DYRK1A: variants seen among roughly 807,000 people sequenced by gnomAD.
DYRK1A encodes the protein dual specificity tyrosine-phosphorylation-regulated kinase 1A.
DYRK1A carries 9 observed loss-of-function variants against 79.7 expected under a neutral mutation model. The observed-to-expected ratio is 0.11, with a 90% confidence interval of 0.07 to 0.20. DYRK1A has a LOEUF of 0.20. DYRK1A is among the 10% of genes least tolerant of loss of function. The probability of loss-of-function intolerance (pLI) is 1.00; values close to 1 mark genes in which losing one functional copy is unlikely to be tolerated. For synonymous variants in DYRK1A, 349 were observed against 329.7 expected (o/e 1.06, Z -0.63); for missense variants, 622 against 956.0 (o/e 0.65, Z 4.61).
rs989998718 is a variant in DYRK1A, at chr21:37,403,582, C to T, written c.-76-16717C>T. ...CTGGGCTCAAGTGGTCCTCCCACTT[C>T]AGCCTCCTGAATAACTGGGACTACA... On this transcript the variant is annotated intron_variant, in intron 1 of 11. Transcript: ENST00000647188. Among the ~76,000 whole-genome samples the T allele has an allele frequency of 7.3e-5, 11 of 151,478 alleles. No homozygotes were observed. The South Asian group carries it at 1.0e-3, about 14-fold the overall frequency.
Position 37,513,503 on chromosome 21 carries a change from T to C in DYRK1A, c.*972T>C, listed in dbSNP as rs982156179. The C allele has an allele frequency of 3.3e-5, 5 of 152,640 alleles. No homozygotes were observed. The highest frequency in any genetic ancestry group is 2.1e-4 in the South Asian group (1 of 4,830). 9.5% of individuals were successfully genotyped at this position (152,640 alleles called of 1,614,324 possible). ...AGAGGCCTTTCTTTTAAAATAGACTTTTGTGACCCACTAATTGTAAGGTAT... is the reference window on the plus strand; with the variant it reads ...AGAGGCCTTTCTTTTAAAATAGACTCTTGTGACCCACTAATTGTAAGGTAT... On this transcript the variant is annotated 3_prime_UTR_variant, in exon 12 of 12. Transcript: ENST00000647188.
chr21:37,381,748 A>T lies in DYRK1A; in HGVS notation c.-77+14120A>T, dbSNP rs1308825024. On this transcript the variant is annotated intron_variant, in intron 1 of 11. Coordinates refer to ENST00000647188, the MANE Select transcript of DYRK1A (RefSeq NM_001347721.2). ...GGGTGCAGTGAGCTGTGTTTGTGCC[A>T]GTGTACTCCAGCCTGAGTGAGTACA... Among the ~76,000 whole-genome samples, 4 of 152,208 alleles carry T rather than the reference A, an allele frequency of 2.6e-5. No homozygotes were observed. The East Asian group carries it at 7.7e-4, about 29-fold the overall frequency.
At chr21:37,455,458 A>G (rs2051604859) in intron 2 of DYRK1A, among the ~76,000 whole-genome samples, 2 of 152,154 alleles carry the variant, frequency 1.3e-5, no homozygotes, top group East Asian at 1.9e-4. Flanking sequence ...ATTATCAACT[A>G]ATTTAATTTC....
chr21:37,478,180 G>C lies in DYRK1A; in HGVS notation c.208-28G>C, dbSNP rs552103257. 5 of 1,613,758 alleles carry C rather than the reference G, an allele frequency of 3.1e-6. No individual in the cohort carries two copies. The African/African-American group carries it at 5.3e-5, about 17-fold the overall frequency. ...GTGCTAGTCTTTTCTGTCTATTTAA[G>C]GTGATGCCTGATATTGTCATGTTAC... On this transcript the variant is annotated intron_variant, in intron 3 of 11. Transcript: ENST00000647188.
Position 37,490,212 on chromosome 21 carries a change from C to T in DYRK1A, c.675C>T (p.Leu225=). 6.2e-7 allele frequency: 1 copy of T among 1,613,558 alleles called. No individual in the cohort carries two copies. Among genetic ancestry groups the T allele is most frequent in the Non-Finnish European group, 8.5e-7 (1 of 1,179,636 alleles). ...LKRHFMFRNH[L]CLVFEMLSYN... is the part of the protein sequence containing the mutation. ...GCCACTTTATGTTTCGAAACCATCT[C>T]TGTTTAGTTTTTGAAATGCTGTCCT... is the stretch of plus-strand genomic sequence containing the variant. Residue 225 remains leucine, a synonymous_variant, in exon 7 of 12, where the codon CTC becomes CTT. Transcript: ENST00000647188.
rs1382410758 is a variant in DYRK1A, at chr21:37,514,585, CTA to C, written c.*2056_*2057del. On this transcript the variant is annotated 3_prime_UTR_variant, in exon 12 of 12. Coordinates refer to ENST00000647188, the MANE Select transcript of DYRK1A (RefSeq NM_001347721.2). ...ACAGTGAGAAAAGAAAGGCTAAACA[CTA>C]TGTAAATGTGAATGGAAACTTGGAA... 6.6e-6 allele frequency: 1 copy of C among 152,460 alleles called. No homozygotes were observed. The highest frequency in any genetic ancestry group is 1.9e-4 in the East Asian group (1 of 5,188). The allele number at this position is 152,460 out of a possible 1,614,324, so 9.4% of individuals were successfully genotyped here. A position where few individuals can be genotyped will look rare whatever the true frequency, so the allele number is the denominator to read the frequency against.
chr21:37,511,793 A>G, intron 11 of DYRK1A, 118 bp from the exon 12 acceptor site: 3 of 1,256,574 alleles, frequency 2.4e-6, no homozygotes, highest in Non-Finnish European at 3.3e-6. Flanking sequence ...TAAAAGTTTC[A>G]AAAACCGTTT....
At chr21:37,504,067 G>T (rs1044272754) in intron 9 of DYRK1A, 1 of 152,186 alleles carries the variant, frequency 6.6e-6, no homozygotes, top group Non-Finnish European at 1.5e-5. Context: ...CTCATGTGGG[G>T]CTGAGTTGAT....
rs1273457839 is a variant in DYRK1A at position 37,518,184 on chromosome 21, TA to T, written c.*5656del. 5 of 152,204 alleles carry T rather than the reference TA, an allele frequency of 3.3e-5. No individual in the cohort carries two copies. The highest frequency in any genetic ancestry group is 1.2e-4 in the African/African-American group (5 of 41,428). The allele number at this position is 152,204 out of a possible 1,614,324, so 9.4% of individuals were successfully genotyped here. A position where few individuals can be genotyped will look rare whatever the true frequency, so the allele number is the denominator to read the frequency against. On this transcript the variant is annotated 3_prime_UTR_variant, in exon 12 of 12. Transcript: ENST00000647188. ...GTGGTGGCTCACGTCTGTAAAGATT[TA>T]AAGCGGAAAAGCGGAATGCAGTGAA...
At chr21:37,394,845 AAAACCCTGAATATGTACTTGTG>A (rs1377479248) in intron 1 of DYRK1A, among the ~76,000 whole-genome samples, 1 of 152,194 alleles carries the variant, frequency 6.6e-6, no homozygotes, top group African/African-American at 2.4e-5. Flanking sequence ...AGACTAGATA[AAAACCCTGAATATGTACTTGTG>A]AAATCCTGAA....
intron 2 of DYRK1A, among the ~76,000 whole-genome samples, chr21:37,455,729 G>C (rs796942694): frequency 2.0e-5 from 3 of 152,160 alleles, no homozygotes; most frequent in African/African-American, 7.2e-5. Flanking sequence ...GGTTCCTCCT[G>C]GTTCCAGTCC....
At chr21:37,455,834 A>G (rs1204550718) in intron 2 of DYRK1A, among the ~76,000 whole-genome samples, 1 of 152,150 alleles carries the variant, frequency 6.6e-6, no homozygotes, top group Non-Finnish European at 1.5e-5. Flanking sequence ...TTGAGGTTTA[A>G]GTACTGTTAT....
At position 37,490,554 on chromosome 21, in the gene DYRK1A, G is replaced by A. The variant is rs917463203; in HGVS notation, c.924+93G>A. 9 of 1,066,104 alleles carry A rather than the reference G, an allele frequency of 8.4e-6. No individual in the cohort carries two copies. In the African/African-American group the frequency reaches 1.0e-4, roughly 12 times the overall value. The allele number at this position is 1,066,104 out of a possible 1,614,324, so 66.0% of individuals were successfully genotyped here. A position where few individuals can be genotyped will look rare whatever the true frequency, so the allele number is the denominator to read the frequency against. On this transcript the variant is annotated intron_variant, in intron 7 of 11. Transcript: ENST00000647188. Reference sequence around the variant, plus strand: ...ATTAGGTTGGCGCAAAAGTAATTGCGGTTTTCGCCATTGCAGTTGCTGTTT... The same window carrying A: ...ATTAGGTTGGCGCAAAAGTAATTGCAGTTTTCGCCATTGCAGTTGCTGTTT...
chr21:37,375,364 A>G (rs762720113), intron 1 of DYRK1A, among the ~76,000 whole-genome samples: 31 of 152,330 alleles, frequency 2.0e-4, no homozygotes, highest in Non-Finnish European at 4.0e-4. Flanking sequence ...TGACATGATT[A>G]GAAGGAACAA....
At chr21:37,404,085 C>T (rs2050106376) in intron 1 of DYRK1A, among the ~76,000 whole-genome samples, 1 of 151,944 alleles carries the variant, frequency 6.6e-6, no homozygotes, top group African/African-American at 2.4e-5. Context: ...AGGGAATGTT[C>T]AGGTGTGTAT....
In DYRK1A at chr21:37,519,759, T is replaced by TA. The variant is rs2053919979; in HGVS notation, c.*7228_*7229insA. 1 of 100,294 alleles carries TA rather than the reference T, an allele frequency of 1.0e-5. No homozygotes were observed. Among genetic ancestry groups the TA allele is most frequent in the Non-Finnish European group, 2.2e-5 (1 of 45,644 alleles). The allele number at this position is 100,294 out of a possible 1,614,324, so 6.2% of individuals were successfully genotyped here. On this transcript the variant is annotated 3_prime_UTR_variant, in exon 12 of 12. Coordinates refer to ENST00000647188, the MANE Select transcript of DYRK1A (RefSeq NM_001347721.2). ...AAGTTTTTTTTTTTTTTTTTTTTTTTGAGGCGGAGTCTCGCTCTGTCGCCC... is the reference window on the plus strand; with the variant it reads ...AAGTTTTTTTTTTTTTTTTTTTTTTTAGAGGCGGAGTCTCGCTCTGTCGCCC...
intron 1 of DYRK1A, among the ~76,000 whole-genome samples, chr21:37,394,988 GGAA>G (rs1219424283): frequency 1.3e-5 from 2 of 152,184 alleles, no homozygotes; most frequent in Admixed American, 1.3e-4. Context: ...TTGTACAGGT[GGAA>G]GAAGAGAGGG....
chr21:37,374,665 G>T (rs1422467106), intron 1 of DYRK1A, among the ~76,000 whole-genome samples: 1 of 151,954 alleles, frequency 6.6e-6, no homozygotes, highest in African/African-American at 2.4e-5. Context: ...CCATTCTTGT[G>T]CCTCAGCCTC....
intron 2 of DYRK1A, among the ~76,000 whole-genome samples, chr21:37,464,072 A>T (rs1440592769): frequency 6.6e-6 from 1 of 152,230 alleles, no homozygotes; most frequent in Non-Finnish European, 1.5e-5. Context: ...ATTCAGATCT[A>T]CAAGTAGAGC....
Sources: allele counts gnomAD v4.1 joint callset (sites outside exome capture counted in the v4.1 genomes callset), GRCh38; gene constraint gnomAD v4.1.1; transcripts MANE v1.5; gene names NCBI Gene and HGNC (gene_info 2026-07-23, HGNC 2026-07-21).